TNS3: variants seen among roughly 807,000 people sequenced by gnomAD.
TNS3 encodes tensin-3.
TNS3 carries 45 observed loss-of-function variants against 140.9 expected under a neutral mutation model. The observed-to-expected ratio is 0.32, with a 90% CI of 0.25 to 0.41. The LOEUF (loss-of-function observed/expected upper bound fraction) is 0.41, where lower values mean the gene tolerates loss of function less well. Among genes scored for constraint, TNS3 ranks in the 10% least tolerant of loss-of-function variants. TNS3 has a pLI of 1.00. For synonymous variants in TNS3, 815 were observed against 788.4 expected (o/e 1.03, Z -0.56); for missense variants, 1,716 against 1,906.7 (o/e 0.90, Z 1.86).
intron 20 of TNS3, among the ~76,000 whole-genome samples, chr7:47,316,554 GT>G (rs113062808): frequency 2.7e-4 from 39 of 143,026 alleles, no homozygotes; most frequent in South Asian, 4.5e-4. Flanking sequence ...GTTTGTTTTT[GT>G]TTTTTTTTTT....
At chr7:47,305,263 G>A (rs990507922) in intron 20 of TNS3, among the ~76,000 whole-genome samples, 30 of 152,230 alleles carry the variant, frequency 2.0e-4, no homozygotes, top group Admixed American at 2.6e-4. Flanking sequence ...ACAGTGTCCA[G>A]CCCATTACCA....
chr7:47,398,592 TGTGA>T (rs1792968028), intron 15 of TNS3, among the ~76,000 whole-genome samples: 1 of 152,146 alleles, frequency 6.6e-6, no homozygotes, highest in Non-Finnish European at 1.5e-5. Context: ...TTTCAGTAGA[TGTGA>T]AAAAGGCATT....
At chr7:47,303,880 C>T (rs547254641) in intron 21 of TNS3, among the ~76,000 whole-genome samples, 1 of 152,324 alleles carries the variant, frequency 6.6e-6, no homozygotes, top group South Asian at 2.1e-4. Flanking sequence ...GCCCCTGCGC[C>T]TTCCCTCCTG....
rs71003398 is a variant in TNS3 at position 47,413,251 on chromosome 7, CTT to C, written c.647+684_647+685del. The stretch of plus-strand genomic sequence containing the variant: ...ACAGGTGTGAGCCACCAAGCCTGGC[CTT>C]TTTTTTTTTTTTTTTTTTTTTTGAC... On this transcript the variant is annotated intron_variant, in intron 12 of 30. Coordinates refer to ENST00000311160, the MANE Select transcript of TNS3 (RefSeq NM_022748.12). Among the ~76,000 whole-genome samples, 409 of 52,884 alleles carry C rather than the reference CTT, an allele frequency of 7.7e-3. 1 individual carries two copies. The highest frequency in any genetic ancestry group is 0.013 in the African/African-American group (178 of 13,250). The allele number at this position is 52,884 out of a possible 152,430, so 34.7% of individuals were successfully genotyped here. A position where few individuals can be genotyped will look rare whatever the true frequency, so the allele number is the denominator to read the frequency against.
intron 2 of TNS3, among the ~76,000 whole-genome samples, chr7:47,520,077 A>C (rs1798918647): frequency 6.6e-6 from 1 of 151,724 alleles, no homozygotes; most frequent in Non-Finnish European, 1.5e-5. Flanking sequence ...CGCCTGCCTC[A>C]GCCTCCCAAA....
intron 16 of TNS3, among the ~76,000 whole-genome samples, chr7:47,387,210 A>G (rs1792125052): frequency 6.6e-6 from 1 of 152,260 alleles, no homozygotes; most frequent in Admixed American, 6.5e-5. Context: ...ATCTTTATGC[A>G]GAAACCCAAT....
rs1302824205 is a variant in TNS3 at position 47,277,427 on chromosome 7, G to C, written c.*649C>G. The C allele has an allele frequency of 6.5e-6, 1 of 155,006 alleles. No individual in the cohort carries two copies. The highest frequency in any genetic ancestry group is 2.4e-5 in the African/African-American group (1 of 41,468). 9.6% of individuals were successfully genotyped at this position (155,006 alleles called of 1,614,324 possible). On this transcript the variant is annotated 3_prime_UTR_variant, in exon 31 of 31. Transcript: ENST00000311160. ...GCAGGAGGCACAGAGCACTCACCAT[G>C]GTGGGGTGGCATGGGGTCTCCAACG...
chr7:47,434,025 C>T (rs1022956560), intron 8 of TNS3, among the ~76,000 whole-genome samples: 2 of 151,536 alleles, frequency 1.3e-5, no homozygotes, highest in Admixed American at 1.3e-4. Context: ...AATGGGTGTA[C>T]CTGTCCATTT....
intron 16 of TNS3, among the ~76,000 whole-genome samples, chr7:47,395,595 T>C (rs1250610933): frequency 2.0e-5 from 3 of 152,250 alleles, no homozygotes; most frequent in African/African-American, 4.8e-5. Context: ...ATGTATCATT[T>C]TGCAAGAGTT....
intron 4 of TNS3, among the ~76,000 whole-genome samples, chr7:47,476,024 A>C (rs1797183348): frequency 6.6e-6 from 1 of 152,126 alleles, no homozygotes. Context: ...CACACAGCAA[A>C]GGCTGTGGGC....
intron 1 of TNS3, among the ~76,000 whole-genome samples, chr7:47,580,997 A>T (rs1383134620): frequency 1.3e-5 from 2 of 152,144 alleles, no homozygotes; most frequent in African/African-American, 2.4e-5. Flanking sequence ...GGGGCTTCCC[A>T]GGGGGTTGTG....
intron 4 of TNS3, among the ~76,000 whole-genome samples, chr7:47,467,043 T>C (rs77538553): frequency 6.6e-6 from 1 of 152,214 alleles, no homozygotes; most frequent in Non-Finnish European, 1.5e-5. Context: ...TAAGTAGTAC[T>C]TTTGAAAGTC....
chr7:47,490,701 T>A (rs1025917444), intron 3 of TNS3, among the ~76,000 whole-genome samples: 2 of 152,108 alleles, frequency 1.3e-5, no homozygotes, highest in Admixed American at 1.3e-4. Context: ...GTGCCAATCG[T>A]TGGAAATGGG....
chr7:47,280,912 C>CAA (rs111232356), intron 28 of TNS3, among the ~76,000 whole-genome samples: 1 of 127,152 alleles, frequency 7.9e-6, no homozygotes. Flanking sequence ...GATTCCATCT[C>CAA]AAAAAAAAAA....
At chr7:47,491,583 GC>G (rs1261454218) in intron 3 of TNS3, among the ~76,000 whole-genome samples, 6 of 152,162 alleles carry the variant, frequency 3.9e-5, no homozygotes, top group African/African-American at 1.4e-4. Flanking sequence ...GTTACCGAAG[GC>G]CATCTCAGTC....
chr7:47,544,865 G>A (rs1799878792), intron 1 of TNS3, among the ~76,000 whole-genome samples: 1 of 151,938 alleles, frequency 6.6e-6, no homozygotes, highest in Admixed American at 6.6e-5. Flanking sequence ...GCCCTGTGCT[G>A]AGGACATCAT....
In TNS3 at chr7:47,405,430, G is replaced by A. The variant is rs1333581420; in HGVS notation, c.724-4516C>T. 7 of 690,440 alleles carry A rather than the reference G, an allele frequency of 1.0e-5. No individual in the cohort carries two copies. The Admixed American group carries it at 1.4e-4, about 14-fold the overall frequency. The allele number at this position is 690,440 out of a possible 1,614,324, so 42.8% of individuals were successfully genotyped here. On this transcript the variant is annotated intron_variant, in intron 13 of 30. Coordinates refer to ENST00000311160, the MANE Select transcript of TNS3 (RefSeq NM_022748.12). ...AGAATGAGTTACAACCGCATATTTG[G>A]AGGGTAAAAAGTTAGATAGCTAAGC...
chr7:47,281,337 C>T (rs1347287359), intron 28 of TNS3, among the ~76,000 whole-genome samples: 1 of 152,230 alleles, frequency 6.6e-6, no homozygotes, highest in Non-Finnish European at 1.5e-5. Flanking sequence ...TCCACCCAGT[C>T]CACATGGTCC....
chr7:47,327,215 A>G (rs1788073064), intron 20 of TNS3, among the ~76,000 whole-genome samples: 1 of 152,266 alleles, frequency 6.6e-6, no homozygotes, highest in Non-Finnish European at 1.5e-5. Context: ...CCCTAGGTCC[A>G]GAAGCTCTGT....
Sources: gnomAD v4.1 joint callset for allele counts (sites outside exome capture counted in the v4.1 genomes callset) on GRCh38, gnomAD v4.1.1 for gene constraint, MANE v1.5 for transcripts, NCBI Gene and HGNC (gene_info 2026-07-23, HGNC 2026-07-21) for gene names.